Variants in ICE1 observed in about 807,000 individuals in gnomAD.
The protein encoded by ICE1 is interactor of little elongation complex ELL subunit 1, also known as little elongation complex subunit 1.
Under a neutral mutation model 192.7 loss-of-function variants are expected in ICE1, and 64 were observed. The ratio of observed to expected loss-of-function variants is 0.33; its 90% CI spans 0.27 to 0.41. The LOEUF is 0.41. Among genes scored for constraint, ICE1 ranks in the 10% least tolerant of loss-of-function variants. The pLI is 1.00. For missense variants in ICE1, 2,708 were observed against 2,696.0 expected, an observed-to-expected ratio of 1.00 and a Z score of -0.10; for synonymous variants, 1,010 against 984.5, an observed-to-expected ratio of 1.03 and a Z score of -0.49.
intron 1 of ICE1, among the ~76,000 whole-genome samples, chr5:5,423,253 G>C (rs911990117): frequency 1.3e-5 from 2 of 152,152 alleles, no homozygotes; most frequent in African/African-American, 2.4e-5. Flanking sequence ...TGGGGGTGGA[G>C]TAAGCGAGGT....
chr5:5,476,987 G>T (rs1739332541), intron 17 of ICE1, among the ~76,000 whole-genome samples: 1 of 152,152 alleles, frequency 6.6e-6, no homozygotes, highest in African/African-American at 2.4e-5. Flanking sequence ...TGGCCATTTG[G>T]TTCTGCTTCC....
chr5:5,427,091 CT>C (rs771477911), intron 1 of ICE1, among the ~76,000 whole-genome samples: 2 of 152,162 alleles, frequency 1.3e-5, no homozygotes, highest in African/African-American at 4.8e-5. Context: ...CCTCCCTGTC[CT>C]TTTTTTCTTT....
intron 17 of ICE1, among the ~76,000 whole-genome samples, chr5:5,479,273 A>G (rs969187233): frequency 1.3e-5 from 2 of 151,526 alleles, no homozygotes; most frequent in South Asian, 2.1e-4. Flanking sequence ...CCTATCAAAA[A>G]GTGGGCAAAG....
At chr5:5,483,014 G>A (rs1353844974) in intron 17 of ICE1, among the ~76,000 whole-genome samples, 1 of 151,902 alleles carries the variant, frequency 6.6e-6, no homozygotes, top group African/African-American at 2.4e-5. Flanking sequence ...TTTTGAGACG[G>A]AGTTTCGCTC....
rs1738751100 is a variant in ICE1 at position 5,460,862 on chromosome 5, A to G, written c.1528A>G (p.Ile510Val). ...TIHKLTRGLC[I>V]ERLSASPAQE... ...TCATAAACTCACTCGAGGTCTATGC[A>G]TTGAGAGATTGTCTGCCAGCCCTGC... Residue 510 changes from isoleucine to valine, a missense_variant, in exon 13 of 19, where the codon ATT becomes GTT. Physicochemically the swap from Ile to Val is conservative, Grantham distance 29. Around this residue, in one of 2 missense-constraint regions of ICE1, gnomAD observed 2,366 missense variants for 2,276.6 expected, o/e 1.04. Coordinates refer to ENST00000296564, the MANE Select transcript of ICE1 (RefSeq NM_015325.3). 6.2e-7 allele frequency: 1 copy of G among 1,614,070 alleles called. No individual in the cohort carries two copies. The highest frequency in any genetic ancestry group is 1.3e-5 in the African/African-American group (1 of 75,066).
At chr5:5,435,683 T>G (rs1177715192) in intron 1 of ICE1, among the ~76,000 whole-genome samples, 5 of 113,056 alleles carry the variant, frequency 4.4e-5, no homozygotes, top group African/African-American at 1.9e-4. Context: ...GTTTTGTTTT[T>G]GTTTTTTTTT....
Position 5,473,590 on chromosome 5 carries a change from T to C in ICE1, c.6255T>C (p.Ser2085=), listed in dbSNP as rs764640282. The C allele has an allele frequency of 8.1e-6, 13 of 1,612,088 alleles. No individual in the cohort carries two copies. The East Asian group carries it at 2.9e-4, about 36-fold the overall frequency. The change falls in exon 16 of 19, where the codon TCT becomes TCC. Residue 2085 remains serine (S), a synonymous_variant. Transcript: ENST00000296564. ...NAPVDVGFMV[S]KLLLTIQLCP... ...CGGTAGATGTTGGCTTCATGGTTTC[T>C]AAGCTGCTTTTGACCATACAGTTAT...
At position 5,461,900 on chromosome 5, in the gene ICE1, A is replaced by T; in HGVS notation, c.2566A>T (p.Asn856Tyr). The change falls in exon 13 of 19, where the codon AAT becomes TAT. Residue 856 changes from asparagine to tyrosine, a missense_variant. By Grantham distance (143) the Asn-to-Tyr change is moderately radical. Transcript: ENST00000296564. ...CAAGACCACTGCATCGGTGTTGCCT[A>T]ATCAAGTATCAGTTATCACAAAACA... ...EFKTTASVLPNQVSVITKQTR... is the reference protein window; with the variant it reads ...EFKTTASVLPYQVSVITKQTR... 8.1e-6 allele frequency: 13 copies of T among 1,613,874 alleles called. No homozygotes were observed. Among genetic ancestry groups the T allele is most frequent in the Non-Finnish European group, 9.3e-6 (11 of 1,179,894 alleles).
In ICE1 at chr5:5,447,518, T is replaced by C; in HGVS notation, c.507+9T>C. The C allele has an allele frequency of 1.3e-6, 2 of 1,542,312 alleles. No homozygotes were observed. Among genetic ancestry groups the C allele is most frequent in the Non-Finnish European group, 1.8e-6 (2 of 1,138,932 alleles). On this transcript the variant is annotated intron_variant, in intron 8 of 18. Transcript: ENST00000296564. ...AATTTAAGAAGACACAGGTACTAGA[T>C]AAAAGCAGCATACACACACCTTAAA...
intron 15 of ICE1, among the ~76,000 whole-genome samples, chr5:5,471,486 C>G (rs1739153777): frequency 6.6e-6 from 1 of 151,856 alleles, no homozygotes; most frequent in African/African-American, 2.4e-5. Context: ...ATTAAAAATG[C>G]TATAAGAAAG....
chr5:5,484,002 G>A (rs1419967128), intron 17 of ICE1, among the ~76,000 whole-genome samples: 1 of 152,146 alleles, frequency 6.6e-6, no homozygotes, highest in African/African-American at 2.4e-5. Context: ...TTCTGTGCAG[G>A]CCTCAGCTCT....
At chr5:5,486,975 A>G (rs1739654218) in intron 18 of ICE1, among the ~76,000 whole-genome samples, 156 bp downstream of exon 18, 1 of 152,104 alleles carries the variant, frequency 6.6e-6, no homozygotes, top group Non-Finnish European at 1.5e-5. Flanking sequence ...TAATATTGGA[A>G]TGTGTGTGTG....
At chr5:5,478,927 C>G (rs1181297626) in intron 17 of ICE1, among the ~76,000 whole-genome samples, 1 of 152,182 alleles carries the variant, frequency 6.6e-6, no homozygotes, top group Non-Finnish European at 1.5e-5. Flanking sequence ...CCCTTCCTTA[C>G]ACCTTATACA....
intron 15 of ICE1, among the ~76,000 whole-genome samples, chr5:5,472,179 T>C (rs1739173238): frequency 6.6e-6 from 1 of 152,208 alleles, no homozygotes; most frequent in Non-Finnish European, 1.5e-5. Flanking sequence ...TAAGATGTAT[T>C]CTTCAAAAAC....
At chr5:5,440,273 T>C (rs1401672154) in intron 4 of ICE1, among the ~76,000 whole-genome samples, 1 of 152,186 alleles carries the variant, frequency 6.6e-6, no homozygotes, top group Non-Finnish European at 1.5e-5. Context: ...CAGTTGAAAA[T>C]AGGCCTACAT....
Position 5,423,042 on chromosome 5 carries a change from C to T in ICE1, c.84+43C>T, listed in dbSNP as rs1410361555. 10 of 1,286,648 alleles carry T rather than the reference C, an allele frequency of 7.8e-6. No individual in the cohort carries two copies. The South Asian group carries it at 1.0e-4, about 13-fold the overall frequency. 79.7% of individuals were successfully genotyped at this position (1,286,648 alleles called of 1,614,324 possible). ...GCCCCGGGCGCGGGGGGGGACTCGGCTCGGCCGGCCGGGAGCGCAGGGATG... is the reference window on the plus strand; with the variant it reads ...GCCCCGGGCGCGGGGGGGGACTCGGTTCGGCCGGCCGGGAGCGCAGGGATG... On this transcript the variant is annotated intron_variant, in intron 1 of 18. Coordinates refer to ENST00000296564, the MANE Select transcript of ICE1 (RefSeq NM_015325.3).
intron 5 of ICE1, 58 bp downstream of exon 5, chr5:5,441,281 C>A: frequency 1.8e-6 from 2 of 1,123,838 alleles, no homozygotes; most frequent in South Asian, 1.4e-5. Flanking sequence ...TGAGCTTATT[C>A]GGTATAATTG....
intron 1 of ICE1, among the ~76,000 whole-genome samples, chr5:5,431,965 G>A (rs1171432971): frequency 1.3e-5 from 2 of 151,106 alleles, no homozygotes; most frequent in Admixed American, 6.6e-5. Flanking sequence ...TCGTGTCTGG[G>A]TTTTTATTTT....
In ICE1 at chr5:5,463,344, C is replaced by G. The variant is rs748577184; in HGVS notation, c.4010C>G (p.Pro1337Arg). 5.6e-6 allele frequency: 9 copies of G among 1,613,600 alleles called. No individual in the cohort carries two copies. The African/African-American group carries it at 9.3e-5, about 17-fold the overall frequency. Residue 1337 changes from proline to arginine, a missense_variant, in exon 13 of 19, where the codon CCT becomes CGT. This residue lies in a region of ICE1 where 2,366 missense variants were observed against 2,276.6 expected (regional missense o/e 1.04). Coordinates refer to ENST00000296564, the MANE Select transcript of ICE1 (RefSeq NM_015325.3). The part of the protein sequence containing the change: ...TEGSSPISGM[P>R]QNENPQSRPE... ...GGCAGCTCTCCCATCAGCGGTATGCCTCAGAATGAAAACCCTCAGAGCAGA... is the reference window on the plus strand; with the variant it reads ...GGCAGCTCTCCCATCAGCGGTATGCGTCAGAATGAAAACCCTCAGAGCAGA...
Sources: gnomAD v4.1 joint callset for allele counts (sites outside exome capture counted in the v4.1 genomes callset) on GRCh38, gnomAD v4.1.1 for gene constraint, gnomAD v4.1.1 regional missense constraint, MANE v1.5 for transcripts, NCBI Gene and HGNC (gene_info 2026-07-23, HGNC 2026-07-21) for gene names.